Variants in EAPP observed in about 807,000 individuals in gnomAD.
EAPP encodes the protein E2F-associated phosphoprotein.
Under a neutral mutation model 34.3 loss-of-function variants are expected in EAPP, and 38 were observed. That is an observed-to-expected ratio of 1.11 (90% CI 0.85 to 1.45). EAPP has a LOEUF of 1.45. Among genes scored for constraint, EAPP ranks in the 40% most tolerant of loss-of-function variants. The pLI, the probability that EAPP is intolerant of heterozygous loss-of-function variation, is 0.00. For missense variants in EAPP, 338 were observed against 343.7 expected (o/e 0.98, Z 0.13); for synonymous variants, 113 against 117.6 (o/e 0.96, Z 0.25).
intron 3 of EAPP, 98 bp from the exon 4 acceptor site, chr14:34,529,573 T>A: frequency 3.1e-6 from 3 of 983,416 alleles, no homozygotes; most frequent in Non-Finnish European, 4.6e-6. Context: ...CATTTATTTA[T>A]ATTTTCCCTA....
chr14:34,536,541 T>G (rs886720331), intron 1 of EAPP: 2 of 214,754 alleles, frequency 9.3e-6, no homozygotes, highest in African/African-American at 4.8e-5. Context: ...CTCAGCTCAC[T>G]GCAACCTCCA....
At chr14:34,528,903 G>A (rs1021252733) in intron 4 of EAPP, among the ~76,000 whole-genome samples, 9 of 151,696 alleles carry the variant, frequency 5.9e-5, no homozygotes, top group East Asian at 1.9e-4. Flanking sequence ...TTGGGAGGCC[G>A]AGACAGGTGA....
At chr14:34,528,785 C>A (rs570078804) in intron 4 of EAPP, among the ~76,000 whole-genome samples, 1 of 151,840 alleles carries the variant, frequency 6.6e-6, no homozygotes, top group East Asian at 1.9e-4. Context: ...GTCAGTTTTT[C>A]TTGAGGGAGA....
At chr14:34,524,362 T>C (rs12886486) in intron 5 of EAPP, among the ~76,000 whole-genome samples, 118,108 of 151,992 alleles carry the variant, frequency 0.78, 46,821 homozygotes, top group Non-Finnish European at 0.85. Context: ...ATACTCCAGC[T>C]TGTACGACAG....
chr14:34,528,655 G>A (rs1244958236), intron 4 of EAPP, among the ~76,000 whole-genome samples: 5 of 148,210 alleles, frequency 3.4e-5, no homozygotes, highest in Non-Finnish European at 6.0e-5. Context: ...CCCGACCTCA[G>A]GTGATCCACC....
chr14:34,524,854 T>A (rs774687157), intron 4 of EAPP, 47 bp from the exon 5 acceptor site: 24 of 1,461,140 alleles, frequency 1.6e-5, no homozygotes, highest in Middle Eastern at 3.4e-4. Context: ...TAAAACCAGA[T>A]CTTGGTTTCT....
Position 34,516,234 on chromosome 14 carries a change from G to C in EAPP, c.*76C>G. 1 of 1,385,066 alleles carries C rather than the reference G, an allele frequency of 7.2e-7. No individual in the cohort carries two copies. The highest frequency in any genetic ancestry group is 9.8e-7 in the Non-Finnish European group (1 of 1,020,462). 85.8% of individuals were successfully genotyped at this position (1,385,066 alleles called of 1,614,324 possible). On this transcript the variant is annotated 3_prime_UTR_variant, in exon 6 of 6. Coordinates refer to ENST00000250454, the MANE Select transcript of EAPP (RefSeq NM_018453.4). Reference sequence around the variant, plus strand: ...CTTCCTCAATGTCACTGAAGGATATGAACAGGCAAGAGGAAAGTAACTGTC... The same window carrying C: ...CTTCCTCAATGTCACTGAAGGATATCAACAGGCAAGAGGAAAGTAACTGTC...
Position 34,533,559 on chromosome 14 carries a change from A to G in EAPP, c.257-20T>C. 2 of 1,516,478 alleles carry G rather than the reference A, an allele frequency of 1.3e-6. No individual in the cohort carries two copies. The highest frequency in any genetic ancestry group is 1.8e-6 in the Non-Finnish European group (2 of 1,120,804). 93.9% of individuals were successfully genotyped at this position (1,516,478 alleles called of 1,614,324 possible). A position where few individuals can be genotyped will look rare whatever the true frequency, so the allele number is the denominator to read the frequency against. ...AAGATCCTATTCAAACCAGAAGTAA[A>G]GTTTACAGACTAAATCATACATAAT... On this transcript the variant is annotated intron_variant, in intron 2 of 5. Coordinates refer to ENST00000250454, the MANE Select transcript of EAPP (RefSeq NM_018453.4).
At chr14:34,531,811 T>C (rs2138900889) in intron 3 of EAPP, among the ~76,000 whole-genome samples, 1 of 152,140 alleles carries the variant, frequency 6.6e-6, no homozygotes, top group East Asian at 1.9e-4. Flanking sequence ...GCACAGTAGC[T>C]CACGCCTGTA....
intron 4 of EAPP, among the ~76,000 whole-genome samples, chr14:34,527,232 T>C (rs1594663788): frequency 6.9e-6 from 1 of 144,850 alleles, no homozygotes; most frequent in Admixed American, 7.0e-5. Flanking sequence ...GCACAGGAGG[T>C]GAAGACAGGA....
chr14:34,520,263 G>A (rs1879874316), intron 5 of EAPP, among the ~76,000 whole-genome samples: 1 of 151,750 alleles, frequency 6.6e-6, no homozygotes. Context: ...AGGCTGGAGT[G>A]AAGTGGTGTG....
chr14:34,536,338 C>A, intron 1 of EAPP, 63 bp from the exon 2 acceptor site: 2 of 1,280,338 alleles, frequency 1.6e-6, no homozygotes, highest in South Asian at 1.6e-5. Flanking sequence ...TTTAAACTCC[C>A]AGCATCTCAC....
At chr14:34,525,396 G>A (rs1324096525) in intron 4 of EAPP, among the ~76,000 whole-genome samples, 1 of 152,100 alleles carries the variant, frequency 6.6e-6, no homozygotes, top group Non-Finnish European at 1.5e-5. Context: ...ACTCAGGTTG[G>A]TAGTATGTAC....
intron 5 of EAPP, 88 bp from the exon 6 acceptor site, chr14:34,516,674 T>C (rs1879743814): frequency 2.3e-6 from 3 of 1,325,642 alleles, no homozygotes; most frequent in South Asian, 2.9e-5. Flanking sequence ...TACCAAAAAC[T>C]TACTGAAATA....
At chr14:34,535,767 C>A in intron 2 of EAPP, 1 of 200,492 alleles carries the variant, frequency 5.0e-6, no homozygotes, top group Non-Finnish European at 9.9e-6. Context: ...CACAGTGGTA[C>A]ATGCCTGTAA....
intron 3 of EAPP, among the ~76,000 whole-genome samples, chr14:34,531,179 C>T (rs1358015266): frequency 6.6e-6 from 1 of 152,074 alleles, no homozygotes; most frequent in Non-Finnish European, 1.5e-5. Context: ...GTAGCTTGTG[C>T]CTGTAGTCCC....
At chr14:34,536,457 A>AT in intron 1 of EAPP, 182 bp from the exon 2 acceptor site, 2 of 312,088 alleles carry the variant, frequency 6.4e-6, no homozygotes, top group South Asian at 9.0e-5. Context: ...AATCTTCTTT[A>AT]ATTTTTTTTT....
chr14:34,535,805 G>A (rs1880453905), intron 2 of EAPP: 1 of 250,462 alleles, frequency 4.0e-6, no homozygotes, highest in African/African-American at 2.3e-5. Context: ...ACGGAGGTGG[G>A]AAGATCATTT....
intron 1 of EAPP, chr14:34,539,215 G>A: frequency 2.1e-6 from 1 of 477,016 alleles, no homozygotes; most frequent in Admixed American, 3.0e-5. Flanking sequence ...TGTTATTATA[G>A]TTCAATTTTA....
Sources: allele counts gnomAD v4.1 joint callset (sites outside exome capture counted in the v4.1 genomes callset), GRCh38; gene constraint gnomAD v4.1.1; transcripts MANE v1.5; gene names NCBI Gene and HGNC (gene_info 2026-07-23, HGNC 2026-07-21).